Variants in ULK4 observed in about 807,000 individuals in gnomAD.
ULK4 encodes the protein unc-51 like kinase 4, also known as inactive serine/threonine-protein kinase ULK4.
Under a neutral mutation model 160.6 loss-of-function variants are expected in ULK4, and 133 were observed. That is an observed-to-expected ratio of 0.83 (90% CI 0.72 to 0.96). ULK4 has a LOEUF of 0.96. Ranked by LOEUF, ULK4 falls within the 40% of genes least tolerant of loss-of-function variation. The pLI, the probability that ULK4 is intolerant of heterozygous loss-of-function variation, is 0.00. For missense variants in ULK4, 1,580 were observed against 1,499.5 expected, an observed-to-expected ratio of 1.05 and a Z score of -0.89; for synonymous variants, 534 against 539.8, an observed-to-expected ratio of 0.99 and a Z score of 0.15.
chr3:41,490,556 T>C (rs575507788), intron 32 of ULK4, among the ~76,000 whole-genome samples: 6 of 152,218 alleles, frequency 3.9e-5, no homozygotes, highest in African/African-American at 1.4e-4. Context: ...CCATTCAATT[T>C]TGCAATATCA....
At chr3:41,662,822 T>TAA (rs759603428) in intron 30 of ULK4, among the ~76,000 whole-genome samples, 41 of 151,842 alleles carry the variant, frequency 2.7e-4, no homozygotes, top group Non-Finnish European at 2.6e-4. Context: ...TTTACAAAAC[T>TAA]AAAAACATCC....
chr3:41,713,091 A>G (rs1057059348), intron 25 of ULK4, among the ~76,000 whole-genome samples: 1 of 152,080 alleles, frequency 6.6e-6, no homozygotes, highest in Non-Finnish European at 1.5e-5. Flanking sequence ...AAAAAAGAAA[A>G]AAAAAAGCCC....
chr3:41,391,413 C>G (rs2081955055), intron 35 of ULK4, among the ~76,000 whole-genome samples: 1 of 152,008 alleles, frequency 6.6e-6, no homozygotes, highest in Admixed American at 6.6e-5. Flanking sequence ...ATTCTGTTTT[C>G]CTTTAAGAAT....
intron 32 of ULK4, among the ~76,000 whole-genome samples, chr3:41,493,768 A>G (rs1401087400): frequency 6.7e-6 from 1 of 149,198 alleles, no homozygotes; most frequent in African/African-American, 2.5e-5. Context: ...TCCCACAGAA[A>G]TACAAACTAC....
At chr3:41,640,557 A>G (rs999900012) in intron 30 of ULK4, among the ~76,000 whole-genome samples, 3 of 151,820 alleles carry the variant, frequency 2.0e-5, no homozygotes, top group African/African-American at 7.3e-5. Flanking sequence ...TCCACTGCCC[A>G]CCCCTCCTGA....
At chr3:41,417,812 G>T (rs2082562439) in intron 34 of ULK4, among the ~76,000 whole-genome samples, 1 of 152,146 alleles carries the variant, frequency 6.6e-6, no homozygotes, top group Admixed American at 6.6e-5. Flanking sequence ...GGGAAATGTA[G>T]TTTTTATTCT....
At chr3:41,654,043 C>T (rs185487537) in intron 30 of ULK4, among the ~76,000 whole-genome samples, 12 of 152,208 alleles carry the variant, frequency 7.9e-5, no homozygotes, top group South Asian at 2.1e-4. Context: ...TTCATGTGAC[C>T]GTAAACTCAC....
At chr3:41,887,088 T>A (rs1379692519) in intron 16 of ULK4, among the ~76,000 whole-genome samples, 1 of 152,214 alleles carries the variant, frequency 6.6e-6, no homozygotes, top group Non-Finnish European at 1.5e-5. Flanking sequence ...TGACCACTCT[T>A]ACTCAGTGGG....
At chr3:41,520,365 T>C (rs1223610737) in intron 32 of ULK4, among the ~76,000 whole-genome samples, 2 of 152,220 alleles carry the variant, frequency 1.3e-5, no homozygotes, top group Non-Finnish European at 2.9e-5. Flanking sequence ...TCAAGGCTCA[T>C]TGATAATGTA....
At chr3:41,247,917 A>C (rs1298955978) in intron 36 of ULK4, among the ~76,000 whole-genome samples, 1 of 152,232 alleles carries the variant, frequency 6.6e-6, no homozygotes, top group East Asian at 1.9e-4. Flanking sequence ...AATCTGAACA[A>C]AGTCCAAACG....
chr3:41,775,688 C>G (rs565290750), intron 21 of ULK4, among the ~76,000 whole-genome samples: 1 of 150,610 alleles, frequency 6.6e-6, no homozygotes, highest in Non-Finnish European at 1.5e-5. Flanking sequence ...CATGAGCCAC[C>G]GCGCCCAGCC....
At chr3:41,502,251 T>C (rs543888980) in intron 32 of ULK4, among the ~76,000 whole-genome samples, 1 of 152,392 alleles carries the variant, frequency 6.6e-6, no homozygotes, top group Admixed American at 6.5e-5. Flanking sequence ...AATTCTATTT[T>C]TAAATTGTTA....
intron 31 of ULK4, among the ~76,000 whole-genome samples, chr3:41,605,804 T>C (rs1394007149): frequency 1.3e-5 from 2 of 151,984 alleles, no homozygotes; most frequent in African/African-American, 4.8e-5. Flanking sequence ...AAAATACACA[T>C]TCTTTACATA....
intron 32 of ULK4, among the ~76,000 whole-genome samples, chr3:41,474,837 A>G (rs951563409): frequency 1.3e-5 from 2 of 149,664 alleles, no homozygotes; most frequent in Non-Finnish European, 3.0e-5. Context: ...AAAAAAAAGA[A>G]AACAAACATT....
rs571147348 is a variant in ULK4 at position 41,734,349 on chromosome 3, A to G, written c.2322-16488T>C. Reference sequence around the variant, plus strand: ...TATTTGACTATTACTGAGTAACTGGATCAAGTGCTACTGAATGTTTCTGAC... The same window carrying G: ...TATTTGACTATTACTGAGTAACTGGGTCAAGTGCTACTGAATGTTTCTGAC... On this transcript the variant is annotated intron_variant, in intron 22 of 36. Coordinates refer to ENST00000301831, the MANE Select transcript of ULK4 (RefSeq NM_017886.4). Among the ~76,000 whole-genome samples the G allele has an allele frequency of 2.0e-5, 3 of 152,318 alleles. No homozygotes were observed. The South Asian group carries it at 6.2e-4, about 32-fold the overall frequency.
At chr3:41,869,407 T>A (rs1476456303) in intron 17 of ULK4, among the ~76,000 whole-genome samples, 3 of 151,988 alleles carry the variant, frequency 2.0e-5, no homozygotes, top group Non-Finnish European at 4.4e-5. Context: ...AAACCCCATC[T>A]CTACTAAAAA....
intron 35 of ULK4, among the ~76,000 whole-genome samples, chr3:41,367,511 C>T (rs1463309903): frequency 6.6e-6 from 1 of 152,130 alleles, no homozygotes; most frequent in African/African-American, 2.4e-5. Flanking sequence ...TGGTGAGCAG[C>T]TCCATGGCTG....
intron 17 of ULK4, among the ~76,000 whole-genome samples, chr3:41,841,343 G>A (rs1180473107): frequency 1.0e-4 from 14 of 137,066 alleles, no homozygotes; most frequent in East Asian, 2.3e-4. Flanking sequence ...GTCTCTGTCC[G>A]GCCACCCCGC....
chr3:41,691,151 G>T (rs1302958285), intron 27 of ULK4, among the ~76,000 whole-genome samples: 3 of 151,852 alleles, frequency 2.0e-5, no homozygotes, highest in African/African-American at 4.8e-5. Context: ...TGACCTTCTA[G>T]GAACATTCTA....
Sources: gnomAD v4.1 joint callset for allele counts (sites outside exome capture counted in the v4.1 genomes callset) on GRCh38, gnomAD v4.1.1 for gene constraint, MANE v1.5 for transcripts, NCBI Gene and HGNC (gene_info 2026-07-23, HGNC 2026-07-21) for gene names.